Variants in CAST observed in about 807,000 individuals in gnomAD.
CAST encodes calpastatin.
A neutral mutation model predicts 119.6 loss-of-function variants in CAST; 76 were observed. The ratio of observed to expected loss-of-function variants is 0.64; its 90% CI spans 0.53 to 0.77. The LOEUF (loss-of-function observed/expected upper bound fraction) is 0.77, where lower values mean the gene tolerates loss of function less well. CAST is among the 30% of genes least tolerant of loss of function. The probability of loss-of-function intolerance (pLI) is 0.00; values close to 1 mark genes in which losing one functional copy is unlikely to be tolerated. For missense variants in CAST, 953 were observed against 946.5 expected (o/e 1.01, Z -0.09); for synonymous variants, 319 against 331.6 (o/e 0.96, Z 0.41).
intron 1 of CAST, among the ~76,000 whole-genome samples, chr5:96,569,715 C>G (rs1018518768): frequency 6.6e-6 from 1 of 152,224 alleles, no homozygotes; most frequent in African/African-American, 2.4e-5. Context: ...CAGCACTAAA[C>G]AAGTCATCCA....
the CAST span, among the ~76,000 whole-genome samples, chr5:95,962,915 G>T: frequency 6.6e-6 from 1 of 152,278 alleles, no homozygotes; most frequent in East Asian, 1.9e-4. Flanking sequence ...CGTGAGGGGC[G>T]TGCAAAGGCC....
At chr5:96,140,227 T>C in the CAST span, among the ~76,000 whole-genome samples, 1 of 152,238 alleles carries the variant, frequency 6.6e-6, no homozygotes, top group African/African-American at 2.4e-5. Context: ...AGAAGTGTGG[T>C]TGTTGAAAGC....
At chr5:96,190,204 T>C in the CAST span, among the ~76,000 whole-genome samples, 121 of 152,314 alleles carry the variant, frequency 7.9e-4, 1 homozygote, top group African/African-American at 2.6e-3. Context: ...CTGTCTCTAG[T>C]AGCCTGTACT....
chr5:96,707,388 T>TA (rs1416582244), intron 3 of CAST, among the ~76,000 whole-genome samples: 2 of 150,412 alleles, frequency 1.3e-5, no homozygotes, highest in Non-Finnish European at 3.0e-5. Flanking sequence ...TAACTTTAGT[T>TA]AACCTTTTTT....
At position 96,729,699 on chromosome 5, in the gene CAST, C is replaced by A; in HGVS notation, c.523C>A (p.Pro175Thr). Reference sequence around the variant, plus strand: ...AGTTTCCAGATCAGCTGAACAGCAGCCATCAGAGAAATCAACAGAACCAAA... The same window carrying A: ...AGTTTCCAGATCAGCTGAACAGCAGACATCAGAGAAATCAACAGAACCAAA... ...KAVSRSAEQQ[P>T]SEKSTEPKTK... Residue 175 changes from proline to threonine, a missense_variant, in exon 8 of 32, where the codon CCA (proline) becomes ACA (threonine). Physicochemically the swap from Pro to Thr is conservative, Grantham distance 38. Transcript: ENST00000675179. The A allele has an allele frequency of 6.5e-7, 1 of 1,549,004 alleles. No homozygotes were observed. Among genetic ancestry groups the A allele is most frequent in the Non-Finnish European group, 8.9e-7 (1 of 1,120,854 alleles).
At chr5:96,765,737 G>T (rs1245248123) in intron 26 of CAST, among the ~76,000 whole-genome samples, 2 of 152,116 alleles carry the variant, frequency 1.3e-5, no homozygotes, top group East Asian at 1.9e-4. Flanking sequence ...AAAAGAAAAA[G>T]ATATTTTATA....
chr5:96,313,710 A>C, the CAST span, among the ~76,000 whole-genome samples: 37 of 152,166 alleles, frequency 2.4e-4, no homozygotes, highest in Non-Finnish European at 2.9e-5. Flanking sequence ...ACATTTTCCC[A>C]ATGTGGAAAT....
At chr5:96,743,596 A>T (rs1428437848) in intron 16 of CAST, 2 of 1,603,884 alleles carry the variant, frequency 1.2e-6, no homozygotes, top group Middle Eastern at 1.7e-4. Context: ...TCCAGCAACA[A>T]TCCTTGAGTC....
the CAST span, among the ~76,000 whole-genome samples, chr5:96,263,675 C>T: frequency 2.6e-5 from 4 of 151,944 alleles, no homozygotes; most frequent in Admixed American, 6.6e-5. Flanking sequence ...CTTATATGTA[C>T]TGTATTAGTC....
At chr5:96,553,595 G>C (rs890187051) in intron 1 of CAST, among the ~76,000 whole-genome samples, 6 of 152,212 alleles carry the variant, frequency 3.9e-5, no homozygotes, top group African/African-American at 1.4e-4. Context: ...ATTCAAAGAA[G>C]TAGAGAGGAA....
the CAST span, among the ~76,000 whole-genome samples, chr5:96,135,864 C>T: frequency 6.6e-6 from 1 of 152,160 alleles, no homozygotes. Context: ...AGAGACCATC[C>T]TGGCCAACCA....
At chr5:96,445,370 C>A in the CAST span, among the ~76,000 whole-genome samples, 2 of 152,048 alleles carry the variant, frequency 1.3e-5, no homozygotes, top group Non-Finnish European at 2.9e-5. Flanking sequence ...GAGTTCAAGG[C>A]AGTAGTGAGC....
the CAST span, among the ~76,000 whole-genome samples, chr5:96,399,541 G>T: frequency 6.6e-6 from 1 of 152,174 alleles, no homozygotes; most frequent in Non-Finnish European, 1.5e-5. Context: ...CAGCACTGTG[G>T]CATGAAGCAA....
chr5:96,446,848 C>T, the CAST span, among the ~76,000 whole-genome samples: 3 of 152,178 alleles, frequency 2.0e-5, no homozygotes, highest in Admixed American at 1.3e-4. Flanking sequence ...GAAAAAGCAT[C>T]TGTGGAATAT....
intron 18 of CAST, 45 bp from the exon 19 acceptor site, chr5:96,748,473 T>A: frequency 1.1e-6 from 1 of 945,820 alleles, no homozygotes; most frequent in East Asian, 2.6e-5. Flanking sequence ...TTTTACAAAA[T>A]AAAAAAGAGT....
intron 3 of CAST, among the ~76,000 whole-genome samples, chr5:96,704,359 T>C (rs1328726090): frequency 6.6e-6 from 1 of 152,228 alleles, no homozygotes; most frequent in African/African-American, 2.4e-5. Context: ...GTATAACATC[T>C]GTACTGCAAT....
At chr5:96,561,387 T>TAAAAAA in intron 1 of CAST, among the ~76,000 whole-genome samples, 1 of 146,002 alleles carries the variant, frequency 6.8e-6, no homozygotes, top group South Asian at 2.2e-4. Flanking sequence ...ATAAAAAAAT[T>TAAAAAA]AAAAAGAATG....
the CAST span, among the ~76,000 whole-genome samples, chr5:96,079,380 C>T: frequency 6.6e-6 from 1 of 152,100 alleles, no homozygotes; most frequent in Non-Finnish European, 1.5e-5. Flanking sequence ...TTTTAAAGAG[C>T]TCTCTTATAG....
the CAST span, among the ~76,000 whole-genome samples, chr5:96,489,003 G>C: frequency 6.6e-6 from 1 of 152,202 alleles, no homozygotes; most frequent in Non-Finnish European, 1.5e-5. Context: ...ATAGAATGGA[G>C]ACCTGGATTT....
Sources: gnomAD v4.1 joint callset for allele counts (sites outside exome capture counted in the v4.1 genomes callset) on GRCh38, gnomAD v4.1.1 for gene constraint, MANE v1.5 for transcripts, NCBI Gene and HGNC (gene_info 2026-07-23, HGNC 2026-07-21) for gene names.